The following UBE3B variants were observed in gnomAD, a reference collection of about 807,000 sequenced individuals.
UBE3B encodes ubiquitin protein ligase E3B, also known as ubiquitin-protein ligase E3B.
In UBE3B, 80 loss-of-function variants were observed where a neutral mutation model predicts 132.3. The ratio of observed to expected loss-of-function variants is 0.60; its 90% CI spans 0.50 to 0.73. UBE3B has a LOEUF of 0.73. Among genes scored for constraint, UBE3B ranks in the 30% least tolerant of loss-of-function variants. The probability of loss-of-function intolerance (pLI) is 0.00; values close to 1 mark genes in which losing one functional copy is unlikely to be tolerated. For missense variants in UBE3B, 1,196 were observed against 1,362.5 expected (o/e 0.88, Z 1.92); for synonymous variants, 487 against 520.4 (o/e 0.94, Z 0.87).
chr12:109,500,361 T>A (rs2135918714), intron 12 of UBE3B, among the ~76,000 whole-genome samples: 1 of 152,358 alleles, frequency 6.6e-6, no homozygotes, highest in Non-Finnish European at 1.5e-5. Context: ...ATAAAGTGGT[T>A]TCTGGAGAGG....
chr12:109,540,259 T>C (rs921406360), downstream of UBE3B, among the ~76,000 whole-genome samples: 1 of 152,122 alleles, frequency 6.6e-6, no homozygotes, highest in African/African-American at 2.4e-5. Flanking sequence ...TGGATCAAGA[T>C]TGCCCAGGCG....
intron 18 of UBE3B, among the ~76,000 whole-genome samples, chr12:109,512,187 C>T (rs568526741): frequency 6.6e-6 from 1 of 152,212 alleles, no homozygotes; most frequent in East Asian, 1.9e-4. Context: ...CTGACTGCCC[C>T]CATGGACTGG....
intron 23 of UBE3B, among the ~76,000 whole-genome samples, chr12:109,524,802 A>G (rs1014159932): frequency 2.0e-5 from 3 of 151,998 alleles, no homozygotes; most frequent in Admixed American, 2.0e-4. Flanking sequence ...ATTAGCCGTT[A>G]CAAATGGAGG....
At chr12:109,529,721 G>A (rs961800681) in intron 24 of UBE3B, among the ~76,000 whole-genome samples, 169 bp from the exon 25 acceptor site, 4 of 152,196 alleles carry the variant, frequency 2.6e-5, no homozygotes, top group African/African-American at 9.6e-5. Context: ...TGCAGTTCGT[G>A]AGTGCTGTCG....
chr12:109,485,132 C>T (rs900246079), intron 4 of UBE3B, among the ~76,000 whole-genome samples: 3 of 152,182 alleles, frequency 2.0e-5, no homozygotes, highest in Non-Finnish European at 4.4e-5. Context: ...CCAGTTTGCA[C>T]CTTAGGGATT....
intron 16 of UBE3B, among the ~76,000 whole-genome samples, chr12:109,510,075 A>C (rs146650861): frequency 6.6e-6 from 1 of 152,206 alleles, no homozygotes. Context: ...AGTGTCTCCA[A>C]TTGCTCAGGA....
chr12:109,527,633 C>T (rs778517210), intron 24 of UBE3B, among the ~76,000 whole-genome samples: 1 of 152,214 alleles, frequency 6.6e-6, no homozygotes, highest in Non-Finnish European at 1.5e-5. Flanking sequence ...AATACACCGG[C>T]CTTGCTCCTT....
intron 8 of UBE3B, chr12:109,490,569 G>A (rs1324337071): frequency 6.5e-6 from 10 of 1,535,818 alleles, no homozygotes; most frequent in Admixed American, 3.9e-5. Flanking sequence ...GGCAGAAGCT[G>A]GTATGACTGG....
At chr12:109,510,137 A>G (rs1880176917) in intron 16 of UBE3B, among the ~76,000 whole-genome samples, 1 of 152,238 alleles carries the variant, frequency 6.6e-6, no homozygotes, top group South Asian at 2.1e-4. Context: ...AGTGGGAGGC[A>G]GCATGAGTGA....
In UBE3B at chr12:109,499,660, GC is replaced by G; in HGVS notation, c.972del (p.Arg325GlufsTer3). The G allele has an allele frequency of 6.2e-7, 1 of 1,607,106 alleles. No homozygotes were observed. Among genetic ancestry groups the G allele is most frequent in the South Asian group, 1.1e-5 (1 of 90,468 alleles). ...MGNLLHLGSL[S>X]PRVLEEETDG... is the part of the protein sequence containing the mutation. ...AACCTCCTACACTTGGGCTCCCTCA[GC>G]CCCAGAGTGTTAGAGGAGGAGACAG... On this transcript the variant is annotated frameshift_variant, in exon 12 of 28. Coordinates refer to ENST00000342494, the MANE Select transcript of UBE3B (RefSeq NM_130466.4). LOFTEE classifies it high-confidence loss of function.
chr12:109,515,114 C>T (rs1440032834), intron 18 of UBE3B, among the ~76,000 whole-genome samples: 3 of 151,418 alleles, frequency 2.0e-5, no homozygotes, highest in East Asian at 4.0e-4. Flanking sequence ...GGGGTTTCAC[C>T]GTGTTAGCCA....
intron 1 of UBE3B, 42 bp downstream of exon 1, chr12:109,478,151 T>C (rs780724429): frequency 2.0e-5 from 3 of 153,092 alleles, no homozygotes; most frequent in Non-Finnish European, 4.4e-5. Flanking sequence ...TCCTTCTGTG[T>C]AAATGGAGTA....
Position 109,534,452 on chromosome 12 carries a change from G to A in UBE3B, c.3016-139G>A. 1 of 1,436,424 alleles carries A rather than the reference G, an allele frequency of 7.0e-7. No individual in the cohort carries two copies. The highest frequency in any genetic ancestry group is 2.6e-5 in the East Asian group (1 of 37,994). The allele number at this position is 1,436,424 out of a possible 1,614,324, so 89.0% of individuals were successfully genotyped here. ...TGTCTGGGGCTTGACCTCGGGTAGTGGTGCCAGGGCAGCGCCCTGCACTCT... is the reference window on the plus strand; with the variant it reads ...TGTCTGGGGCTTGACCTCGGGTAGTAGTGCCAGGGCAGCGCCCTGCACTCT... On this transcript the variant is annotated intron_variant, in intron 27 of 27. Coordinates refer to ENST00000342494, the MANE Select transcript of UBE3B (RefSeq NM_130466.4). The surrounding 1 kb of genome is among the most constrained non-coding windows in gnomAD (Gnocchi z 5.2).
chr12:109,524,315 C>T (rs1030495291), intron 22 of UBE3B, 123 bp from the exon 23 acceptor site: 6 of 1,393,788 alleles, frequency 4.3e-6, no homozygotes, highest in African/African-American at 1.4e-5. Context: ...ACTTTCTTTG[C>T]GTCAAGCTGT....
downstream of UBE3B, among the ~76,000 whole-genome samples, chr12:109,539,317 G>C (rs572099258): frequency 7.2e-5 from 11 of 152,330 alleles, no homozygotes; most frequent in Admixed American, 5.2e-4. Flanking sequence ...CTGGAGCGTG[G>C]GGTCAGAATG....
chr12:109,521,467 C>T lies in UBE3B; in HGVS notation c.2280C>T (p.Tyr760=). Residue 760 remains tyrosine (Y), a synonymous_variant, in exon 21 of 28, where the codon TAC becomes TAT. Transcript: ENST00000342494. The surrounding 1 kb of genome is among the most constrained non-coding windows in gnomAD (Gnocchi z 4.2). ...CAACCAGTGGGGATGAGAGGCTGTA[C>T]CCCTCACCCACATCCTACATCCATG... is the stretch of plus-strand genomic sequence containing the variant. The part of the protein sequence containing the change: ...FKTTSGDERL[Y]PSPTSYIHEN... 1.3e-6 allele frequency: 2 copies of T among 1,595,804 alleles called. No homozygotes were observed. Among genetic ancestry groups the T allele is most frequent in the East Asian group, 2.2e-5 (1 of 44,508 alleles).
In UBE3B at chr12:109,483,701, G is replaced by A. The variant is rs144106525; in HGVS notation, c.150G>A (p.Gln50=). ...GTTTTCTCTGTCGGAGTCGACTGCA[G>A]AGAGATATCAGGTAAGGGCTAGGAT... ...VRSFLCRSRL[Q]RDIRREIDDF... Residue 50 remains glutamine (Q), a synonymous_variant, in exon 3 of 28, where the codon CAG becomes CAA. Transcript: ENST00000342494. The A allele has an allele frequency of 9.3e-6, 15 of 1,604,584 alleles. No homozygotes were observed. The highest frequency in any genetic ancestry group is 1.2e-5 in the Non-Finnish European group (14 of 1,176,140).
chr12:109,520,583 C>T (rs771910977), intron 19 of UBE3B: 6 of 152,408 alleles, frequency 3.9e-5, no homozygotes, highest in Non-Finnish European at 8.8e-5. Context: ...AGAAAGTCAG[C>T]CCTGTTACTC....
At chr12:109,508,529 A>G in intron 15 of UBE3B, 1 of 985,450 alleles carries the variant, frequency 1.0e-6, no homozygotes, top group Non-Finnish European at 1.2e-6. Flanking sequence ...TTTTCCCAAA[A>G]GGTTGGTGAA....
Sources: allele counts gnomAD v4.1 joint callset (sites outside exome capture counted in the v4.1 genomes callset), GRCh38; gene constraint gnomAD v4.1.1; non-coding constraint Gnocchi (gnomAD v3.1); transcripts MANE v1.5; gene names NCBI Gene and HGNC (gene_info 2026-07-23, HGNC 2026-07-21).